Variants in ASB3 observed in about 807,000 individuals in gnomAD.
The protein encoded by ASB3 is ankyrin repeat and SOCS box containing 3, also known as ankyrin repeat and SOCS box protein 3.
Under a neutral mutation model 54.5 loss-of-function variants are expected in ASB3, and 41 were observed. The ratio of observed to expected loss-of-function variants is 0.75; its 90% CI spans 0.59 to 0.98. The LOEUF is 0.98. Ranked by LOEUF, ASB3 falls within the 50% of genes least tolerant of loss-of-function variation. The probability of loss-of-function intolerance (pLI) is 0.00; values close to 1 mark genes in which losing one functional copy is unlikely to be tolerated. For synonymous variants in ASB3, 266 were observed against 221.2 expected (o/e 1.20, Z -1.80); for missense variants, 733 against 620.0 (o/e 1.18, Z -1.94).
chr2:53,739,400 T>A (rs1572943050), intron 3 of ASB3, among the ~76,000 whole-genome samples: 1 of 152,200 alleles, frequency 6.6e-6, no homozygotes, highest in African/African-American at 2.4e-5. Flanking sequence ...GACCTATACA[T>A]ACATGTAAGT....
At chr2:53,679,301 T>C (rs547253838) in intron 9 of ASB3, among the ~76,000 whole-genome samples, 53 of 152,302 alleles carry the variant, frequency 3.5e-4, no homozygotes, top group Non-Finnish European at 6.2e-4. Flanking sequence ...TGGTTCTCAA[T>C]TGGTTTCCCA....
chr2:53,751,336 A>C (rs1303013292), intron 2 of ASB3, among the ~76,000 whole-genome samples: 2 of 152,166 alleles, frequency 1.3e-5, no homozygotes, highest in South Asian at 2.1e-4. Context: ...CTATAAGGGA[A>C]ATGGTCTGAT....
intron 1 of ASB3, among the ~76,000 whole-genome samples, chr2:53,775,355 GTATATACATA>G (rs985630653): frequency 2.6e-5 from 4 of 151,952 alleles, no homozygotes; most frequent in African/African-American, 9.7e-5. Context: ...GTGTGTGTGT[GTATATACATA>G]TATATACATA....
Position 53,718,451 on chromosome 2 carries a change from A to G in ASB3, c.605-1708T>C, listed in dbSNP as rs149103390. On this transcript the variant is annotated intron_variant, in intron 5 of 9. Transcript: ENST00000263634. ...AAACGAAGGAGAAATAAAATATTTT[A>G]CAGACAAGCAAGCGATAAGACAATT... is the stretch of plus-strand genomic sequence containing the variant. Among the ~76,000 whole-genome samples the G allele has an allele frequency of 3.5e-4, 53 of 152,316 alleles. No homozygotes were observed. In the East Asian group the frequency reaches 9.8e-3, roughly 28 times the overall value.
At chr2:53,711,259 T>C (rs928420849) in intron 7 of ASB3, among the ~76,000 whole-genome samples, 3 of 152,216 alleles carry the variant, frequency 2.0e-5, no homozygotes, top group Non-Finnish European at 4.4e-5. Flanking sequence ...TTCTCCAAGA[T>C]TCCCTACCAT....
intron 1 of ASB3, chr2:53,774,695 T>A: frequency 1.9e-6 from 1 of 523,418 alleles, no homozygotes; most frequent in Non-Finnish European, 3.2e-6. Context: ...AAAGAAAAAT[T>A]CAAATTTTAA....
chr2:53,779,156 T>A (rs1201323923), intron 1 of ASB3, among the ~76,000 whole-genome samples: 1 of 152,236 alleles, frequency 6.6e-6, no homozygotes, highest in Non-Finnish European at 1.5e-5. Context: ...CATTTTTTCA[T>A]GTATCTGTTG....
intron 3 of ASB3, among the ~76,000 whole-genome samples, chr2:53,742,377 A>G (rs1671979012): frequency 6.6e-6 from 1 of 152,226 alleles, no homozygotes; most frequent in African/African-American, 2.4e-5. Flanking sequence ...TACCAGCACA[A>G]ATCCATACAA....
intron 7 of ASB3, among the ~76,000 whole-genome samples, chr2:53,711,396 A>G (rs1670087702): frequency 6.6e-6 from 1 of 152,160 alleles, no homozygotes; most frequent in African/African-American, 2.4e-5. Flanking sequence ...ATATTAAACA[A>G]CTGGTCAATT....
intron 8 of ASB3, among the ~76,000 whole-genome samples, chr2:53,695,156 G>A (rs1042681218): frequency 6.6e-6 from 1 of 152,092 alleles, no homozygotes; most frequent in African/African-American, 2.4e-5. Context: ...GAAATACAAG[G>A]AAAGAAGATA....
intron 5 of ASB3, among the ~76,000 whole-genome samples, chr2:53,725,278 C>T (rs554018314): frequency 9.2e-5 from 14 of 152,124 alleles, no homozygotes; most frequent in Non-Finnish European, 1.6e-4. Flanking sequence ...ATACTGGGGA[C>T]TAATAGAGAG....
At chr2:53,774,216 A>G in intron 1 of ASB3, 1 of 1,614,038 alleles carries the variant, frequency 6.2e-7, no homozygotes, top group Non-Finnish European at 8.5e-7. Flanking sequence ...TTGACTTCAG[A>G]GAAAAAGGAG....
intron 8 of ASB3, among the ~76,000 whole-genome samples, chr2:53,695,771 C>G (rs965390699): frequency 2.0e-5 from 3 of 152,056 alleles, no homozygotes; most frequent in Non-Finnish European, 4.4e-5. Context: ...CATTTATGTT[C>G]TATTATCCCA....
chr2:53,759,748 G>A (rs113407582), intron 2 of ASB3, among the ~76,000 whole-genome samples: 9,176 of 152,136 alleles, frequency 0.06, 479 homozygotes, highest in East Asian at 0.28. Context: ...CCTCCCCCTC[G>A]TCCATGCCCC....
chr2:53,767,719 C>A (rs922084430), intron 1 of ASB3: 3 of 751,698 alleles, frequency 4.0e-6, no homozygotes, highest in Non-Finnish European at 6.4e-6. Flanking sequence ...GACTGAGATC[C>A]GCTCGGAAAA....
At chr2:53,773,284 A>T (rs560405531) in intron 1 of ASB3, among the ~76,000 whole-genome samples, 123 of 150,354 alleles carry the variant, frequency 8.2e-4, no homozygotes, top group South Asian at 6.7e-3. Flanking sequence ...AGACCAAATT[A>T]AAAAAAAATT....
At chr2:53,781,092 T>C (rs1674618025) in intron 1 of ASB3, among the ~76,000 whole-genome samples, 1 of 151,976 alleles carries the variant, frequency 6.6e-6, no homozygotes, top group Non-Finnish European at 1.5e-5. Flanking sequence ...CAAAATGAAA[T>C]TAAGGCCTAC....
chr2:53,697,098 C>A (rs111589542), intron 8 of ASB3, among the ~76,000 whole-genome samples: 1 of 152,148 alleles, frequency 6.6e-6, no homozygotes, highest in African/African-American at 2.4e-5. Flanking sequence ...CCCATCAAAA[C>A]GAAGATGGTG....
rs1396276860 is a variant in ASB3 at position 53,712,716 on chromosome 2, GAA to G, written c.980+1666_980+1667del. ...ACATTGTTCATCCAAAAGATAAGAT[GAA>G]GGCCAAAAAAGACCATCATCATATT... On this transcript the variant is annotated intron_variant, in intron 7 of 9. Coordinates refer to ENST00000263634, the MANE Select transcript of ASB3 (RefSeq NM_016115.5). Among the ~76,000 whole-genome samples, 17 of 151,934 alleles carry G rather than the reference GAA, an allele frequency of 1.1e-4. No homozygotes were observed. The South Asian group carries it at 3.3e-3, about 30-fold the overall frequency.
Sources: allele counts gnomAD v4.1 joint callset (sites outside exome capture counted in the v4.1 genomes callset), GRCh38; gene constraint gnomAD v4.1.1; transcripts MANE v1.5; gene names NCBI Gene and HGNC (gene_info 2026-07-23, HGNC 2026-07-21).